Variants in RGS6 observed in about 807,000 individuals in gnomAD.
The protein encoded by RGS6 is regulator of G-protein signaling 6.
A neutral mutation model predicts 78.5 loss-of-function variants in RGS6; 30 were observed. The ratio of observed to expected loss-of-function variants is 0.38; its 90% CI spans 0.29 to 0.52. The LOEUF (loss-of-function observed/expected upper bound fraction) is 0.52, where lower values mean the gene tolerates loss of function less well. Among genes scored for constraint, RGS6 ranks in the 20% least tolerant of loss-of-function variants. The pLI, the probability that RGS6 is intolerant of heterozygous loss-of-function variation, is 0.85. For synonymous variants in RGS6, 206 were observed against 206.0 expected, an observed-to-expected ratio of 1.00 and a Z score of 0.00; for missense variants, 495 against 609.7, an observed-to-expected ratio of 0.81 and a Z score of 1.98.
At chr14:72,601,163 G>A in the RGS6 span, among the ~76,000 whole-genome samples, 9 of 152,078 alleles carry the variant, frequency 5.9e-5, no homozygotes, top group African/African-American at 1.9e-4. Context: ...ATCCTAACCC[G>A]AAAGGGGGCT....
intron 2 of RGS6, among the ~76,000 whole-genome samples, chr14:72,151,688 A>G (rs1358791423): frequency 6.6e-6 from 1 of 152,124 alleles, no homozygotes; most frequent in Non-Finnish European, 1.5e-5. Context: ...TGTGCCGGTC[A>G]GGCCATACTT....
At chr14:72,593,218 A>G in the RGS6 span, among the ~76,000 whole-genome samples, 1 of 152,236 alleles carries the variant, frequency 6.6e-6, no homozygotes, top group Non-Finnish European at 1.5e-5. Flanking sequence ...GTAAGGCTTC[A>G]GATCTGTGCA....
intron 2 of RGS6, among the ~76,000 whole-genome samples, chr14:72,208,111 T>C (rs1599535075): frequency 2.0e-5 from 3 of 152,222 alleles, no homozygotes; most frequent in East Asian, 3.8e-4. Context: ...TTCTAGATCC[T>C]GTGATGGGTT....
chr14:72,498,799 C>T lies in RGS6; in HGVS notation c.965+3537C>T, dbSNP rs558149113. On this transcript the variant is annotated intron_variant, in intron 13 of 17. Coordinates refer to ENST00000553525, the MANE Select transcript of RGS6 (RefSeq NM_001204424.2). ...ACCCCAGGCGTTCTGAGGCACACGACAGTTTAAGAAGTCCTGGTTTGGTTC... is the reference window on the plus strand; with the variant it reads ...ACCCCAGGCGTTCTGAGGCACACGATAGTTTAAGAAGTCCTGGTTTGGTTC... Among the ~76,000 whole-genome samples, 30 of 152,272 alleles carry T rather than the reference C, an allele frequency of 2.0e-4. No individual in the cohort carries two copies. In the South Asian group the frequency reaches 5.4e-3, roughly 27 times the overall value.
Position 72,476,789 on chromosome 14 carries a change from T to C in RGS6, c.741T>C (p.His247=), listed in dbSNP as rs1470136872. 12 of 1,614,174 alleles carry C rather than the reference T, an allele frequency of 7.4e-6. No individual in the cohort carries two copies. Among genetic ancestry groups the C allele is most frequent in the Non-Finnish European group, 1.0e-5 (12 of 1,180,024 alleles). Residue 247 remains histidine, a synonymous_variant, in exon 11 of 18, where the codon CAT becomes CAC. Coordinates refer to ENST00000553525, the MANE Select transcript of RGS6 (RefSeq NM_001204424.2). ...AGTCCCAGGCACAGAGCCCGGTGCA[T>C]GTACTCAGCCAACCAATCAGGAAAA... ...TEESQAQSPV[H]VLSQPIRKTT...
chr14:72,181,419 G>T (rs564864304), intron 2 of RGS6, among the ~76,000 whole-genome samples: 1 of 152,266 alleles, frequency 6.6e-6, no homozygotes, highest in East Asian at 1.9e-4. Flanking sequence ...TTCATTTTTT[G>T]CCATCATTCA....
chr14:72,233,395 A>G (rs1292859448), intron 2 of RGS6, among the ~76,000 whole-genome samples: 1 of 152,168 alleles, frequency 6.6e-6, no homozygotes, highest in East Asian at 1.9e-4. Flanking sequence ...ACTTACCTCC[A>G]TCGGGACACA....
At chr14:72,049,167 T>C (rs182759483) in intron 2 of RGS6, among the ~76,000 whole-genome samples, 17 of 152,344 alleles carry the variant, frequency 1.1e-4, no homozygotes, top group African/African-American at 3.8e-4. Flanking sequence ...GAGAAAGTTT[T>C]GAACTCCTGC....
At chr14:72,591,490 C>A in the RGS6 span, among the ~76,000 whole-genome samples, 1 of 151,932 alleles carries the variant, frequency 6.6e-6, no homozygotes, top group Non-Finnish European at 1.5e-5. Context: ...TGGCTTCAGA[C>A]CAAAATAATA....
intron 3 of RGS6, among the ~76,000 whole-genome samples, chr14:72,447,958 C>T (rs570775928): frequency 6.6e-6 from 1 of 152,324 alleles, no homozygotes; most frequent in East Asian, 1.9e-4. Flanking sequence ...CCCACCTCGG[C>T]CTCCCGCAGT....
chr14:72,275,552 C>G (rs1255728095), intron 2 of RGS6, among the ~76,000 whole-genome samples: 1 of 152,204 alleles, frequency 6.6e-6, no homozygotes, highest in Non-Finnish European at 1.5e-5. Flanking sequence ...GAATCAATGT[C>G]TATAGTCTTA....
intron 3 of RGS6, among the ~76,000 whole-genome samples, chr14:72,426,826 G>T (rs773472515): frequency 6.6e-6 from 1 of 152,184 alleles, no homozygotes; most frequent in African/African-American, 2.4e-5. Context: ...ATAATATCTT[G>T]TGTCCCACAT....
chr14:72,101,825 C>T (rs1341885007), intron 2 of RGS6, among the ~76,000 whole-genome samples: 2 of 152,176 alleles, frequency 1.3e-5, no homozygotes, highest in South Asian at 2.1e-4. Flanking sequence ...GTCCACAAGG[C>T]TAAGGCCCTC....
intron 2 of RGS6, among the ~76,000 whole-genome samples, chr14:72,233,601 A>G (rs2050230389): frequency 6.6e-6 from 1 of 152,242 alleles, no homozygotes; most frequent in Admixed American, 6.5e-5. Context: ...ACTTGTTAGT[A>G]GTCCAATGCT....
At chr14:72,127,342 A>G (rs1327404215) in intron 2 of RGS6, among the ~76,000 whole-genome samples, 1 of 152,216 alleles carries the variant, frequency 6.6e-6, no homozygotes, top group East Asian at 1.9e-4. Context: ...CACTTTGTTT[A>G]CTGCACTAAA....
At chr14:72,611,485 A>C in the RGS6 span, among the ~76,000 whole-genome samples, 1 of 152,072 alleles carries the variant, frequency 6.6e-6, no homozygotes, top group Non-Finnish European at 1.5e-5. Flanking sequence ...GGTCTGGTGG[A>C]GTGTGCCCAA....
intron 2 of RGS6, among the ~76,000 whole-genome samples, chr14:72,060,371 CTTTT>C (rs34086688): frequency 1.5e-5 from 2 of 136,972 alleles, no homozygotes; most frequent in South Asian, 4.5e-4. Flanking sequence ...CCCCTCCCAC[CTTTT>C]TTTTTTTTTT....
chr14:71,890,405 G>C, the RGS6 span, among the ~76,000 whole-genome samples: 1 of 114,502 alleles, frequency 8.7e-6, no homozygotes, highest in Non-Finnish European at 1.8e-5. Flanking sequence ...ATCTTGTCTA[G>C]AGGCTGAGCT....
intron 7 of RGS6, among the ~76,000 whole-genome samples, chr14:72,466,769 C>T (rs564646758): frequency 2.6e-5 from 4 of 152,228 alleles, no homozygotes; most frequent in Admixed American, 2.0e-4. Flanking sequence ...GTATCCTGAT[C>T]GTGGTGGTGG....
Sources: gnomAD v4.1 joint callset for allele counts (sites outside exome capture counted in the v4.1 genomes callset) on GRCh38, gnomAD v4.1.1 for gene constraint, MANE v1.5 for transcripts, NCBI Gene and HGNC (gene_info 2026-07-23, HGNC 2026-07-21) for gene names.